Variants in NMD3 observed in about 807,000 individuals in gnomAD.
The protein encoded by NMD3 is 60S ribosomal export protein NMD3.
A neutral mutation model predicts 73.1 loss-of-function variants in NMD3; 47 were observed. The observed-to-expected ratio is 0.64, with a 90% CI of 0.51 to 0.82. The LOEUF (loss-of-function observed/expected upper bound fraction) is 0.82. Ranked by LOEUF, NMD3 falls within the 40% of genes least tolerant of loss-of-function variation. The pLI is 0.00. For synonymous variants in NMD3, 210 were observed against 194.5 expected (o/e 1.08, Z -0.66); for missense variants, 554 against 612.5 (o/e 0.90, Z 1.01).
intron 11 of NMD3, 94 bp downstream of exon 11, chr3:161,242,747 C>T: frequency 8.1e-7 from 1 of 1,231,960 alleles, no homozygotes; most frequent in Middle Eastern, 2.0e-4. Context: ...GGTGTTTCCA[C>T]AGTATGGAAT....
intron 12 of NMD3, among the ~76,000 whole-genome samples, chr3:161,246,972 A>G (rs913305917): frequency 6.6e-6 from 1 of 151,886 alleles, no homozygotes; most frequent in Non-Finnish European, 1.5e-5. Context: ...AACTAGAAGG[A>G]AGCAACTAAT....
chr3:161,227,732 C>T (rs1736379560), intron 4 of NMD3, among the ~76,000 whole-genome samples: 1 of 152,096 alleles, frequency 6.6e-6, no homozygotes, highest in Non-Finnish European at 1.5e-5. Context: ...CAGGCGTGAG[C>T]CACCATGCTG....
At chr3:161,250,741 A>G in intron 15 of NMD3, 39 bp from the exon 16 acceptor site, 1 of 1,341,816 alleles carries the variant, frequency 7.5e-7, no homozygotes, top group Admixed American at 1.8e-5. Context: ...ATACATATAA[A>G]TACTTTGTAT....
At chr3:161,235,368 C>T (rs1351357661) in intron 7 of NMD3, 156 bp downstream of exon 7, 2 of 447,028 alleles carry the variant, frequency 4.5e-6, no homozygotes, top group Non-Finnish European at 8.1e-6. Context: ...TTTATCTGCA[C>T]TGTCCAGTAT....
At chr3:161,234,688 C>A in intron 5 of NMD3, 39 bp from the exon 6 acceptor site, 5 of 1,537,474 alleles carry the variant, frequency 3.3e-6, no homozygotes, top group Admixed American at 1.8e-5. Context: ...TGTTATTAAA[C>A]AAAACCAAAA....
intron 8 of NMD3, among the ~76,000 whole-genome samples, 155 bp from the exon 9 acceptor site, chr3:161,238,575 C>G (rs1189497739): frequency 1.3e-5 from 2 of 152,128 alleles, no homozygotes; most frequent in Non-Finnish European, 2.9e-5. Context: ...TTTTGACATG[C>G]AAGTGCAGGA....
intron 7 of NMD3, 162 bp downstream of exon 7, chr3:161,235,374 A>G (rs902802437): frequency 2.1e-5 from 8 of 380,784 alleles, no homozygotes; most frequent in Non-Finnish European, 2.9e-5. Context: ...TGCACTGTCC[A>G]GTATGGTATA....
downstream of NMD3, chr3:161,252,972 A>G (rs1737546374): frequency 1.4e-5 from 6 of 423,564 alleles, no homozygotes; most frequent in Admixed American, 3.9e-5. Context: ...GGTGGTGCAC[A>G]CATAGTCCCA....
intron 13 of NMD3, among the ~76,000 whole-genome samples, chr3:161,247,741 A>T (rs1163832788): frequency 6.7e-6 from 1 of 150,274 alleles, no homozygotes; most frequent in African/African-American, 2.5e-5. Flanking sequence ...GTAAGCTGAG[A>T]TTGCGCCGTT....
Position 161,242,510 on chromosome 3 carries a change from G to C in NMD3, c.874G>C (p.Ala292Pro). 1 of 1,610,516 alleles carries C rather than the reference G, an allele frequency of 6.2e-7. No homozygotes were observed. Among genetic ancestry groups the C allele is most frequent in the Non-Finnish European group, 8.5e-7 (1 of 1,177,840 alleles). ...HLIDPNTLQV[A>P]DIDGSTFWSH... The stretch of plus-strand genomic sequence containing the variant: ...TTGTGTTCTATCCTTATTTTTAGTG[G>C]CAGATATTGATGGGAGCACTTTCTG... Residue 292 changes from alanine (A) to proline (P), a missense_variant and splice_region_variant, in exon 11 of 16, where the codon GCA becomes CCA. Coordinates refer to ENST00000351193, the MANE Select transcript of NMD3 (RefSeq NM_015938.5).
In NMD3 at chr3:161,234,848, G is replaced by A; in HGVS notation, c.479G>A (p.Arg160Lys). ...KDFWKAVIQV[R>K]QKTLHKKTFY... The stretch of plus-strand genomic sequence containing the variant: ...TTCTGGAAGGCTGTGATTCAAGTGA[G>A]GCAAAAGGTAATGAGAGAAGATGAT... The change falls in exon 6 of 16, where the codon AGG becomes AAG. Residue 160 changes from arginine to lysine, a missense_variant. Arg to Lys is a conservative substitution (Grantham distance 26). Transcript: ENST00000351193. 6.2e-7 allele frequency: 1 copy of A among 1,613,252 alleles called. No individual in the cohort carries two copies. Among genetic ancestry groups the A allele is most frequent in the Non-Finnish European group, 8.5e-7 (1 of 1,179,512 alleles).
intron 4 of NMD3, 116 bp downstream of exon 4, chr3:161,227,459 T>TC (rs1736366306): frequency 1.6e-6 from 1 of 608,720 alleles, no homozygotes; most frequent in Admixed American, 3.1e-5. Flanking sequence ...TTTTTTTTTT[T>TC]TGAGGTGGGG....
chr3:161,252,833 T>C (rs770737788), downstream of NMD3: 4 of 695,380 alleles, frequency 5.8e-6, 1 homozygote, highest in South Asian at 6.0e-5. Flanking sequence ...GTGTGGTGGT[T>C]GACGCCTGTA....
chr3:161,248,035 C>G (rs1737322273), intron 13 of NMD3, among the ~76,000 whole-genome samples: 1 of 151,860 alleles, frequency 6.6e-6, no homozygotes, highest in Non-Finnish European at 1.5e-5. Context: ...ATCCTCCCAC[C>G]TCAGCCTCTC....
rs146903256 is a variant in NMD3, at chr3:161,237,698, C to T, written c.578-415C>T. On this transcript the variant is annotated intron_variant, in intron 7 of 15. Coordinates refer to ENST00000351193, the MANE Select transcript of NMD3 (RefSeq NM_015938.5). Reference sequence around the variant, plus strand: ...GAGATTTGGCACATGCCACCACGTCCGGCTAATTTTTTGTATTTCTAGTAG... The same window carrying T: ...GAGATTTGGCACATGCCACCACGTCTGGCTAATTTTTTGTATTTCTAGTAG... Among the ~76,000 whole-genome samples, 719 of 152,002 alleles carry T rather than the reference C, an allele frequency of 4.7e-3. 6 individuals are homozygous for T. The highest frequency in any genetic ancestry group is 0.015 in the African/African-American group (625 of 41,492).
At chr3:161,231,191 G>A (rs1174924989) in intron 4 of NMD3, among the ~76,000 whole-genome samples, 1 of 152,188 alleles carries the variant, frequency 6.6e-6, no homozygotes, top group Non-Finnish European at 1.5e-5. Context: ...CTAGTGAGGA[G>A]GAATGAGGAA....
chr3:161,252,846 C>A (rs1737542991), downstream of NMD3: 2 of 692,674 alleles, frequency 2.9e-6, no homozygotes, highest in Non-Finnish European at 5.3e-6. Flanking sequence ...CGCCTGTAAT[C>A]CCAGCACTTT....
chr3:161,222,095 A>G (rs1560061815), intron 2 of NMD3, 38 bp downstream of exon 2: 2 of 1,571,544 alleles, frequency 1.3e-6, no homozygotes, highest in Admixed American at 3.4e-5. Flanking sequence ...TTAAATGTGA[A>G]AATCTTCAGT....
intron 11 of NMD3, 75 bp from the exon 12 acceptor site, chr3:161,246,261 G>T (rs542140150): frequency 3.6e-6 from 2 of 555,740 alleles, no homozygotes; most frequent in South Asian, 5.0e-5. Flanking sequence ...AATCAATATT[G>T]TATTTAACTT....
Sources: allele counts gnomAD v4.1 joint callset (sites outside exome capture counted in the v4.1 genomes callset), GRCh38; gene constraint gnomAD v4.1.1; transcripts MANE v1.5; gene names NCBI Gene and HGNC (gene_info 2026-07-23, HGNC 2026-07-21).